Variants in UBE2D2 observed in about 807,000 individuals in gnomAD.
The protein encoded by UBE2D2 is ubiquitin conjugating enzyme E2 D2.
In UBE2D2, 2 loss-of-function variants were observed where a neutral mutation model predicts 24.2. That is an observed-to-expected ratio of 0.08 (90% CI 0.03 to 0.26). The LOEUF (loss-of-function observed/expected upper bound fraction) is 0.26. UBE2D2 is among the 10% of genes least tolerant of loss of function. UBE2D2 has a pLI of 1.00. For synonymous variants in UBE2D2, 58 were observed against 56.5 expected, an observed-to-expected ratio of 1.03 and a Z score of -0.12; for missense variants, 44 against 177.6, an observed-to-expected ratio of 0.25 and a Z score of 4.28.
chr5:139,566,429 T>G (rs1055170110), intron 1 of UBE2D2, among the ~76,000 whole-genome samples: 1 of 152,048 alleles, frequency 6.6e-6, no homozygotes, highest in Non-Finnish European at 1.5e-5. Flanking sequence ...ATCCCAGCAC[T>G]TTGGGAGGCC....
Position 139,626,960 on chromosome 5 carries a change from T to G in UBE2D2, c.*159T>G, listed in dbSNP as rs2126713520. ...CAGCAGTGCTGCGTGTTGTACATAC[T>G]TGGAACAACAAACTAGAAATACTGT... is the stretch of plus-strand genomic sequence containing the variant. On this transcript the variant is annotated 3_prime_UTR_variant, in exon 7 of 7. Transcript: ENST00000398733. 1 of 598,920 alleles carries G rather than the reference T, an allele frequency of 1.7e-6. No homozygotes were observed. The highest frequency in any genetic ancestry group is 2.9e-5 in the East Asian group (1 of 34,648). 37.1% of individuals were successfully genotyped at this position (598,920 alleles called of 1,614,324 possible).
intron 1 of UBE2D2, among the ~76,000 whole-genome samples, chr5:139,531,737 G>A (rs1752599998): frequency 6.6e-6 from 1 of 152,148 alleles, no homozygotes. Flanking sequence ...CGAAGTGGGA[G>A]GATCACTTGA....
chr5:139,549,224 C>A (rs1177211702), intron 1 of UBE2D2, among the ~76,000 whole-genome samples: 1 of 152,180 alleles, frequency 6.6e-6, no homozygotes, highest in African/African-American at 2.4e-5. Context: ...CCTCCTCGGC[C>A]TCGGCGTCCA....
At chr5:139,541,599 CAAAAAAAAAAA>C (rs892398676) in intron 1 of UBE2D2, among the ~76,000 whole-genome samples, 28 of 58,458 alleles carry the variant, frequency 4.8e-4, no homozygotes, top group Non-Finnish European at 7.7e-4. Context: ...GACTCCATTT[CAAAAAAAAAAA>C]AAAAAAAAAA....
At chr5:139,578,024 T>G (rs909143290) in intron 1 of UBE2D2, among the ~76,000 whole-genome samples, 2 of 152,204 alleles carry the variant, frequency 1.3e-5, no homozygotes, top group Admixed American at 1.3e-4. Context: ...TGAAGCCTAG[T>G]GAGGGTGAAG....
At chr5:139,538,883 A>G (rs1235995017) in intron 1 of UBE2D2, among the ~76,000 whole-genome samples, 2 of 151,316 alleles carry the variant, frequency 1.3e-5, no homozygotes, top group East Asian at 1.9e-4. Flanking sequence ...AAAAAAAAAA[A>G]GCATTTTCAT....
At chr5:139,547,087 A>G (rs1250433737) in intron 1 of UBE2D2, among the ~76,000 whole-genome samples, 1 of 151,612 alleles carries the variant, frequency 6.6e-6, no homozygotes, top group African/African-American at 2.4e-5. Flanking sequence ...TCAGGAGATC[A>G]AGACCATCCT....
intron 1 of UBE2D2, chr5:139,562,308 A>T (rs747027265): frequency 1.6e-5 from 22 of 1,350,496 alleles, no homozygotes; most frequent in Non-Finnish European, 2.2e-5. Flanking sequence ...ATCCACAAGT[A>T]TATCCTGAGT....
At chr5:139,555,883 G>T (rs532731782) in intron 1 of UBE2D2, among the ~76,000 whole-genome samples, 29 of 116,398 alleles carry the variant, frequency 2.5e-4, no homozygotes, top group African/African-American at 9.5e-4. Context: ...CTGAGATCAC[G>T]CCACTGCACT....
intron 1 of UBE2D2, among the ~76,000 whole-genome samples, chr5:139,549,056 G>C (rs1364251120): frequency 6.6e-6 from 1 of 152,014 alleles, no homozygotes; most frequent in Non-Finnish European, 1.5e-5. Context: ...TGCCATGTTG[G>C]TCAGGCAGGT....
intron 1 of UBE2D2, among the ~76,000 whole-genome samples, chr5:139,582,859 A>T (rs1490956788): frequency 7.9e-5 from 12 of 151,544 alleles, no homozygotes; most frequent in South Asian, 4.2e-4. Context: ...TTTAGTAGAG[A>T]TGGGGTTTCA....
At chr5:139,574,074 A>G (rs1753412381) in intron 1 of UBE2D2, among the ~76,000 whole-genome samples, 1 of 151,846 alleles carries the variant, frequency 6.6e-6, no homozygotes, top group East Asian at 1.9e-4. Flanking sequence ...CTTCGATTAA[A>G]TAACTTCTCT....
chr5:139,544,172 T>C (rs917334533), intron 1 of UBE2D2, among the ~76,000 whole-genome samples: 48 of 151,332 alleles, frequency 3.2e-4, no homozygotes, highest in East Asian at 7.7e-4. Context: ...TTCTTTCTTT[T>C]TTTTTTTTTT....
intron 1 of UBE2D2, among the ~76,000 whole-genome samples, chr5:139,593,869 G>A (rs1753905609): frequency 6.6e-6 from 1 of 152,124 alleles, no homozygotes; most frequent in African/African-American, 2.4e-5. Flanking sequence ...TCCCACCTTA[G>A]CCTCCCAAAG....
rs769167152 is a variant in UBE2D2, at chr5:139,570,659, G to A, written c.24+8844G>A. On this transcript the variant is annotated intron_variant, in intron 1 of 6. Transcript: ENST00000398733. ...CCAGAGTAGCTGAGACTACAGGCGC[G>A]TGCCATGATGCCCAGCTAATTTTTT... 2.6e-5 allele frequency among the ~76,000 whole-genome samples: 4 copies of A among 152,100 alleles called. No individual in the cohort carries two copies. The South Asian group carries it at 6.2e-4, about 24-fold the overall frequency.
chr5:139,526,552 A>T (rs1330682821), exon 1 of UBE2D2: 1 of 152,290 alleles, frequency 6.6e-6, no homozygotes, highest in Non-Finnish European at 1.5e-5. Context: ...GCGGAGGATT[A>T]ACACAGTGGC....
intron 1 of UBE2D2, among the ~76,000 whole-genome samples, chr5:139,539,769 T>G (rs1259667996): frequency 6.6e-6 from 1 of 151,548 alleles, no homozygotes; most frequent in Non-Finnish European, 1.5e-5. Flanking sequence ...TTTTTGTATT[T>G]TTAGTAGATA....
intron 1 of UBE2D2, among the ~76,000 whole-genome samples, chr5:139,548,696 C>T (rs913579670): frequency 6.6e-6 from 1 of 152,112 alleles, no homozygotes; most frequent in Non-Finnish European, 1.5e-5. Context: ...GTTATTTAAC[C>T]TCACAATCTA....
intron 1 of UBE2D2, among the ~76,000 whole-genome samples, chr5:139,551,801 A>G (rs1267511286): frequency 6.6e-6 from 1 of 152,180 alleles, no homozygotes; most frequent in East Asian, 1.9e-4. Flanking sequence ...GGTTAGGGAA[A>G]ACTTCCAAAA....
Sources: allele counts gnomAD v4.1 joint callset (sites outside exome capture counted in the v4.1 genomes callset), GRCh38; gene constraint gnomAD v4.1.1; transcripts MANE v1.5; gene names NCBI Gene and HGNC (gene_info 2026-07-23, HGNC 2026-07-21).